The following CDH7 variants were observed in gnomAD, a reference collection of about 807,000 sequenced individuals.
The protein encoded by CDH7 is cadherin-7.
A neutral mutation model predicts 71.8 loss-of-function variants in CDH7; 25 were observed. That is an observed-to-expected ratio of 0.35 (90% CI 0.25 to 0.49). The LOEUF (loss-of-function observed/expected upper bound fraction) is 0.49. Ranked by LOEUF, CDH7 falls within the 20% of genes least tolerant of loss-of-function variation. CDH7 has a pLI of 0.99. For missense variants in CDH7, 862 were observed against 974.6 expected (o/e 0.88, Z 1.54); for synonymous variants, 381 against 363.8 (o/e 1.05, Z -0.54).
chr18:65,820,960 A>T (rs892408037), intron 4 of CDH7, among the ~76,000 whole-genome samples: 7 of 152,292 alleles, frequency 4.6e-5, no homozygotes, highest in Non-Finnish European at 1.0e-4. Flanking sequence ...AATTTAAAAA[A>T]ATATATAAAA....
chr18:65,846,076 C>A (rs1385546394), intron 7 of CDH7, among the ~76,000 whole-genome samples: 3 of 152,052 alleles, frequency 2.0e-5, no homozygotes, highest in Non-Finnish European at 4.4e-5. Flanking sequence ...GAAAATATTT[C>A]ACTTTTTATA....
intron 7 of CDH7, 58 bp from the exon 8 acceptor site, chr18:65,857,758 G>A: frequency 1.3e-6 from 2 of 1,544,510 alleles, no homozygotes; most frequent in East Asian, 2.3e-5. Context: ...AATAGTTTCA[G>A]CAAATTATAA....
rs1914285815 is a variant in CDH7, at chr18:65,883,375, C to T, written c.*2481C>T. The T allele has an allele frequency of 6.6e-6, 1 of 151,538 alleles. No individual in the cohort carries two copies. The highest frequency in any genetic ancestry group is 6.6e-5 in the Admixed American group (1 of 15,210). The allele number at this position is 151,538 out of a possible 1,614,324, so 9.4% of individuals were successfully genotyped here. ...GCTTATTTTAGTTTTCTTTTTTCTTCTGAAATCTAATGCTATATATGATGA... is the reference window on the plus strand; with the variant it reads ...GCTTATTTTAGTTTTCTTTTTTCTTTTGAAATCTAATGCTATATATGATGA... On this transcript the variant is annotated 3_prime_UTR_variant, in exon 12 of 12. Coordinates refer to ENST00000397968, the MANE Select transcript of CDH7 (RefSeq NM_004361.5).
chr18:65,799,608 G>A (rs1444451682), intron 2 of CDH7, among the ~76,000 whole-genome samples: 4 of 151,930 alleles, frequency 2.6e-5, no homozygotes, highest in Non-Finnish European at 4.4e-5. Context: ...CCCAGGAGGC[G>A]GAGCTTGCAG....
chr18:65,761,389 TA>T (rs142215580), intron 1 of CDH7, among the ~76,000 whole-genome samples: 2,562 of 152,174 alleles, frequency 0.017, 74 homozygotes, highest in African/African-American at 0.058. Context: ...CTATCAAAAA[TA>T]TTTTTTTATT....
At chr18:65,758,010 G>A (rs1916081296) in intron 1 of CDH7, among the ~76,000 whole-genome samples, 2 of 152,156 alleles carry the variant, frequency 1.3e-5, no homozygotes, top group African/African-American at 4.8e-5. Flanking sequence ...ACAGATTTGT[G>A]AGGCAATATT....
In CDH7 at chr18:65,880,627, T is replaced by A. The variant is rs1014995754; in HGVS notation, c.2091T>A (p.Ala697=). The A allele has an allele frequency of 3.7e-6, 6 of 1,613,878 alleles. No homozygotes were observed. The highest frequency in any genetic ancestry group is 4.2e-6 in the Non-Finnish European group (5 of 1,179,992). Residue 697 remains alanine (A), a synonymous_variant, in exon 12 of 12, where the codon GCT becomes GCA. Coordinates refer to ENST00000397968, the MANE Select transcript of CDH7 (RefSeq NM_004361.5). ...AAATTCAATTCCTGAGTCGACCAGC[T>A]TTTAAAAGCATCCCAGATAATGTCA... ...TPEIQFLSRP[A]FKSIPDNVIF...
chr18:65,765,541 A>G (rs558324636), intron 2 of CDH7, among the ~76,000 whole-genome samples: 16 of 151,930 alleles, frequency 1.1e-4, no homozygotes, highest in African/African-American at 3.4e-4. Flanking sequence ...AAAATTATAG[A>G]AGAAGATGTG....
At chr18:65,824,485 G>C (rs1035986534) in intron 5 of CDH7, among the ~76,000 whole-genome samples, 159 bp from the exon 6 acceptor site, 5 of 151,312 alleles carry the variant, frequency 3.3e-5, no homozygotes, top group Admixed American at 2.6e-4. Flanking sequence ...ACCTCTTAAG[G>C]CTCTATGAAA....
At chr18:65,852,468 C>T (rs1913184335) in intron 7 of CDH7, among the ~76,000 whole-genome samples, 1 of 152,138 alleles carries the variant, frequency 6.6e-6, no homozygotes, top group South Asian at 2.1e-4. Context: ...GCCTTCACTT[C>T]ATTTTTTAAG....
At chr18:65,759,863 A>G (rs1375700610) in intron 1 of CDH7, among the ~76,000 whole-genome samples, 1 of 152,154 alleles carries the variant, frequency 6.6e-6, no homozygotes, top group Non-Finnish European at 1.5e-5. Context: ...TCCAGCTCTG[A>G]TATTTGTGTT....
chr18:65,857,711 G>A (rs754805530), intron 7 of CDH7, 105 bp from the exon 8 acceptor site: 171 of 1,070,152 alleles, frequency 1.6e-4, no homozygotes, highest in Middle Eastern at 1.2e-3. Flanking sequence ...AGATCAGAGA[G>A]TCAGTAGGAT....
chr18:65,802,955 G>A (rs904552525), intron 2 of CDH7, among the ~76,000 whole-genome samples: 1 of 152,124 alleles, frequency 6.6e-6, no homozygotes, highest in Non-Finnish European at 1.5e-5. Context: ...TTGGTTCCAA[G>A]GCAGGACTGT....
intron 3 of CDH7, among the ~76,000 whole-genome samples, chr18:65,811,711 C>G (rs751485135): frequency 6.6e-6 from 1 of 152,112 alleles, no homozygotes; most frequent in African/African-American, 2.4e-5. Flanking sequence ...ACTTCGTACT[C>G]CCAGATCTCA....
intron 1 of CDH7, among the ~76,000 whole-genome samples, chr18:65,752,506 C>A (rs913959443): frequency 1.1e-4 from 17 of 152,194 alleles, no homozygotes; most frequent in African/African-American, 3.9e-4. Flanking sequence ...AGAATTACTT[C>A]TTTCCTAAAG....
chr18:65,846,275 C>A (rs1912930926), intron 7 of CDH7, among the ~76,000 whole-genome samples: 1 of 152,028 alleles, frequency 6.6e-6, no homozygotes, highest in African/African-American at 2.4e-5. Flanking sequence ...AAGTAAAAAT[C>A]TCTGTGGTCT....
chr18:65,871,994 A>C (rs2144056409), intron 11 of CDH7, among the ~76,000 whole-genome samples: 1 of 151,460 alleles, frequency 6.6e-6, no homozygotes, highest in Non-Finnish European at 1.5e-5. Flanking sequence ...TGAAAAGCCA[A>C]GAAACCGAGT....
At chr18:65,867,871 G>A (rs1216608425) in intron 11 of CDH7, among the ~76,000 whole-genome samples, 3 of 152,232 alleles carry the variant, frequency 2.0e-5, no homozygotes, top group East Asian at 1.9e-4. Context: ...CATGGGATTC[G>A]GTCTCCTCCA....
At chr18:65,866,315 C>CAAAAAAAA (rs1568228989) in intron 11 of CDH7, 4 of 1,364 alleles carry the variant, frequency 2.9e-3, no homozygotes, top group African/African-American at 5.9e-3. Context: ...AAAAAAAAAA[C>CAAAAAAAA]AAAAAAAAAA....
Sources: gnomAD v4.1 joint callset for allele counts (sites outside exome capture counted in the v4.1 genomes callset) on GRCh38, gnomAD v4.1.1 for gene constraint, MANE v1.5 for transcripts, NCBI Gene and HGNC (gene_info 2026-07-23, HGNC 2026-07-21) for gene names.